The following CPEB2 variants were observed in gnomAD, a reference collection of about 807,000 sequenced individuals.
CPEB2 encodes cytoplasmic polyadenylation element binding protein 2, also known as cytoplasmic polyadenylation element-binding protein 2.
CPEB2 carries 56 observed loss-of-function variants against 93.6 expected under a neutral mutation model. The ratio of observed to expected loss-of-function variants is 0.60; its 90% CI spans 0.48 to 0.75. CPEB2 has a LOEUF of 0.75. CPEB2 is among the 30% of genes least tolerant of loss of function. The pLI is 0.00. For missense variants in CPEB2, 1,579 were observed against 1,395.1 expected (o/e 1.13, Z -2.10); for synonymous variants, 764 against 586.3 (o/e 1.30, Z -4.38).
At chr4:15,040,709 C>A (rs1398712785) in intron 6 of CPEB2, among the ~76,000 whole-genome samples, 1 of 152,134 alleles carries the variant, frequency 6.6e-6, no homozygotes, top group Non-Finnish European at 1.5e-5. Context: ...TTTTAAACTG[C>A]TGAGATTTAA....
chr4:15,046,333 C>G (rs996809851), intron 6 of CPEB2, among the ~76,000 whole-genome samples: 2 of 152,110 alleles, frequency 1.3e-5, no homozygotes, highest in South Asian at 2.1e-4. Context: ...TGAAGCGATT[C>G]TTCTGCCTCA....
chr4:15,056,474 G>A (rs548628905), intron 8 of CPEB2, among the ~76,000 whole-genome samples: 7 of 152,224 alleles, frequency 4.6e-5, no homozygotes, highest in Admixed American at 1.3e-4. Flanking sequence ...TGTTGCTATC[G>A]TTATTGTGGT....
rs1722380159 is a variant in CPEB2 at position 15,003,866 on chromosome 4, C to A, written c.1193C>A (p.Pro398Gln). ...ASPPPQPQQP[P>Q]PTQPQQQPPP... ...CCGCCACCCCAGCCCCAGCAGCCGCCGCCGACCCAGCCGCAGCAGCAGCCG... is the reference window on the plus strand; with the variant it reads ...CCGCCACCCCAGCCCCAGCAGCCGCAGCCGACCCAGCCGCAGCAGCAGCCG... The change falls in exon 1 of 12, where the codon CCG becomes CAG. Residue 398 changes from proline to glutamine, a missense_variant. Coordinates refer to ENST00000538197, the MANE Select transcript of CPEB2 (RefSeq NM_001177382.2). The A allele has an allele frequency of 3.5e-6, 3 of 857,710 alleles. No homozygotes were observed. Among genetic ancestry groups the A allele is most frequent in the Admixed American group, 7.2e-5 (2 of 27,934 alleles). The allele number at this position is 857,710 out of a possible 1,614,324, so 53.1% of individuals were successfully genotyped here.
At position 15,067,168 on chromosome 4, in the gene CPEB2, C is replaced by T. The variant is rs868103827; in HGVS notation, c.*788C>T. On this transcript the variant is annotated 3_prime_UTR_variant, in exon 12 of 12. Transcript: ENST00000538197. Reference sequence around the variant, plus strand: ...TGCATGCACTAGAATTATTAACTAACGAGGTGAGGTATTGCAAATGTTCAA... The same window carrying T: ...TGCATGCACTAGAATTATTAACTAATGAGGTGAGGTATTGCAAATGTTCAA... The T allele has an allele frequency of 1.4e-4, 21 of 152,502 alleles. No homozygotes were observed. The highest frequency in any genetic ancestry group is 4.1e-4 in the African/African-American group (17 of 41,508). The allele number at this position is 152,502 out of a possible 1,614,324, so 9.4% of individuals were successfully genotyped here.
In CPEB2 at chr4:15,007,469, T is replaced by G. The variant is rs561045355; in HGVS notation, c.1827T>G (p.Gly609=). 7 of 1,614,102 alleles carry G rather than the reference T, an allele frequency of 4.3e-6. No individual in the cohort carries two copies. The highest frequency in any genetic ancestry group is 1.6e-4 in the Middle Eastern group (1 of 6,062). ...CTCCATTGAAGAAACCGTTTTCTGGTAATGTCATAGCACCACCGAAATTTA... is the reference window on the plus strand; with the variant it reads ...CTCCATTGAAGAAACCGTTTTCTGGGAATGTCATAGCACCACCGAAATTTA... ...QISPLKKPFS[G]NVIAPPKFTR... Residue 609 remains glycine, a synonymous_variant, in exon 2 of 12, where the codon GGT becomes GGG. Transcript: ENST00000538197.
chr4:15,004,216 C>CCCGCGGCG lies in CPEB2; in HGVS notation c.1548_1555dup (p.Gln519ArgfsTer42). On this transcript the variant is annotated frameshift_variant, in exon 1 of 12. Transcript: ENST00000538197. LOFTEE classifies it high-confidence loss of function. ...TATACCTCAACAGCAGCCCCCGCCG[C>CCCGCGGCG]CCGCGGCGCCGCAGCAGCCGCAGAG... The CCCGCGGCG allele has an allele frequency of 6.7e-7, 1 of 1,493,342 alleles. No individual in the cohort carries two copies. The highest frequency in any genetic ancestry group is 1.5e-5 in the African/African-American group (1 of 68,428). 92.5% of individuals were successfully genotyped at this position (1,493,342 alleles called of 1,614,324 possible). A position where few individuals can be genotyped will look rare whatever the true frequency, so the allele number is the denominator to read the frequency against.
At chr4:15,041,745 T>C (rs967364) in intron 6 of CPEB2, among the ~76,000 whole-genome samples, 2 of 152,180 alleles carry the variant, frequency 1.3e-5, no homozygotes, top group Non-Finnish European at 2.9e-5. Flanking sequence ...TGAATGTGTG[T>C]ACTTTTTAAA....
At chr4:15,013,377 T>C (rs920033291) in intron 3 of CPEB2, among the ~76,000 whole-genome samples, 1 of 152,020 alleles carries the variant, frequency 6.6e-6, no homozygotes. Context: ...ATTTCTGAAG[T>C]ATTTTGGTGC....
chr4:15,040,354 G>C (rs1727046922), intron 5 of CPEB2, 110 bp from the exon 6 acceptor site: 1 of 938,070 alleles, frequency 1.1e-6, no homozygotes, highest in Non-Finnish European at 1.6e-6. Flanking sequence ...TTAAAACAAA[G>C]TAGCACTAAT....
chr4:15,053,646 T>C (rs1322575731), intron 7 of CPEB2, among the ~76,000 whole-genome samples: 1 of 152,206 alleles, frequency 6.6e-6, no homozygotes, highest in African/African-American at 2.4e-5. Context: ...GGATGTAACC[T>C]ATGTGGATTT....
At chr4:15,018,485 C>CTT (rs1253925654) in intron 4 of CPEB2, among the ~76,000 whole-genome samples, 1 of 139,404 alleles carries the variant, frequency 7.2e-6, no homozygotes. Flanking sequence ...GTTTGAGTTT[C>CTT]TTTTTTTTTT....
intron 10 of CPEB2, among the ~76,000 whole-genome samples, chr4:15,060,754 A>T (rs1478296513): frequency 6.6e-6 from 1 of 152,054 alleles, no homozygotes; most frequent in Non-Finnish European, 1.5e-5. Flanking sequence ...TATCTGGTGT[A>T]TTTTTTAAGA....
chr4:15,003,069 C>T lies in CPEB2; in HGVS notation c.396C>T (p.Thr132=), dbSNP rs935086548. ...HPGGGTIAGV[T]HLLPSQDFKP... is the part of the protein sequence containing the mutation. ...GCGGCGGCACGATCGCGGGTGTGACCCACCTCCTCCCCTCCCAGGACTTCA... is the reference window on the plus strand; with the variant it reads ...GCGGCGGCACGATCGCGGGTGTGACTCACCTCCTCCCCTCCCAGGACTTCA... The change falls in exon 1 of 12, where the codon ACC becomes ACT. Residue 132 remains threonine (T), a synonymous_variant. Transcript: ENST00000538197. 1.3e-6 allele frequency: 2 copies of T among 1,526,350 alleles called. No homozygotes were observed. The highest frequency in any genetic ancestry group is 1.7e-6 in the Non-Finnish European group (2 of 1,143,896). The allele number at this position is 1,526,350 out of a possible 1,614,324, so 94.6% of individuals were successfully genotyped here.
chr4:15,060,366 G>C (rs1012706195), intron 10 of CPEB2, among the ~76,000 whole-genome samples: 2 of 152,174 alleles, frequency 1.3e-5, no homozygotes, highest in African/African-American at 4.8e-5. Context: ...GTTCACTTTA[G>C]CTAATGATTC....
chr4:15,042,508 G>A (rs1381668738), intron 6 of CPEB2, among the ~76,000 whole-genome samples: 1 of 152,152 alleles, frequency 6.6e-6, no homozygotes, highest in Admixed American at 6.5e-5. Context: ...CTTCCATTAC[G>A]ACAGAACTGA....
Position 15,004,171 on chromosome 4 carries a change from C to G in CPEB2, c.1498C>G (p.Pro500Ala), listed in dbSNP as rs1722451419. ...CTTCTCGGCTACCGCTGTGCCCCCT[C>G]CGCCGCCGCCCGCCATGAATATACC... is the stretch of plus-strand genomic sequence containing the variant. Reference protein sequence around the residue: ...GPFSATAVPPPPPPAMNIPQQ... With the variant: ...GPFSATAVPPAPPPAMNIPQQ... Residue 500 changes from proline (P) to alanine (A), a missense_variant, in exon 1 of 12, where the codon CCG becomes GCG. Coordinates refer to ENST00000538197, the MANE Select transcript of CPEB2 (RefSeq NM_001177382.2). 6.9e-7 allele frequency: 1 copy of G among 1,444,702 alleles called. No individual in the cohort carries two copies. The highest frequency in any genetic ancestry group is 1.5e-5 in the African/African-American group (1 of 66,428). The allele number at this position is 1,444,702 out of a possible 1,614,324, so 89.5% of individuals were successfully genotyped here.
At chr4:15,005,644 A>G (rs1185412310) in intron 1 of CPEB2, among the ~76,000 whole-genome samples, 1 of 152,218 alleles carries the variant, frequency 6.6e-6, no homozygotes, top group African/African-American at 2.4e-5. Context: ...TCAGTTGACC[A>G]AAGTTTTCAA....
At chr4:15,024,954 C>G (rs1253981016) in intron 4 of CPEB2, among the ~76,000 whole-genome samples, 1 of 151,894 alleles carries the variant, frequency 6.6e-6, no homozygotes, top group African/African-American at 2.4e-5. Flanking sequence ...CTGTGTTTGG[C>G]CAAGCTGGTC....
At chr4:15,064,619 C>T (rs187409019) in intron 11 of CPEB2, among the ~76,000 whole-genome samples, 32 of 151,824 alleles carry the variant, frequency 2.1e-4, no homozygotes. Context: ...ACCCAGAAAA[C>T]ATATGTAAAT....
Sources: allele counts gnomAD v4.1 joint callset (sites outside exome capture counted in the v4.1 genomes callset), GRCh38; gene constraint gnomAD v4.1.1; transcripts MANE v1.5; gene names NCBI Gene and HGNC (gene_info 2026-07-23, HGNC 2026-07-21).